FRMD6: variants seen among roughly 807,000 people sequenced by gnomAD.
The protein encoded by FRMD6 is FERM domain-containing protein 6.
FRMD6 carries 37 observed loss-of-function variants against 73.2 expected under a neutral mutation model. That is an observed-to-expected ratio of 0.51 (90% confidence interval 0.39 to 0.66). The LOEUF (loss-of-function observed/expected upper bound fraction) is 0.66. FRMD6 is among the 30% of genes least tolerant of loss of function. The probability of loss-of-function intolerance (pLI) is 0.00; values close to 1 mark genes in which losing one functional copy is unlikely to be tolerated. For missense variants in FRMD6, 714 were observed against 780.5 expected, an observed-to-expected ratio of 0.91 and a Z score of 1.02; for synonymous variants, 273 against 282.2, an observed-to-expected ratio of 0.97 and a Z score of 0.33.
At chr14:51,668,211 G>A (rs1893739318) in intron 1 of FRMD6, among the ~76,000 whole-genome samples, 1 of 152,168 alleles carries the variant, frequency 6.6e-6, no homozygotes, top group Non-Finnish European at 1.5e-5. Context: ...TATAGAACTG[G>A]TTAGGAAAGG....
chr14:51,551,848 G>A (rs1886860043), intron 1 of FRMD6, among the ~76,000 whole-genome samples: 2 of 151,898 alleles, frequency 1.3e-5, no homozygotes, highest in Admixed American at 6.6e-5. Context: ...ATAAGTATAT[G>A]TTAAAATATT....
chr14:51,614,184 C>T (rs897994691), intron 2 of FRMD6, among the ~76,000 whole-genome samples: 53 of 152,066 alleles, frequency 3.5e-4, no homozygotes, highest in African/African-American at 1.2e-3. Context: ...GTTAAGAACT[C>T]TTTTTTTCTA....
intron 1 of FRMD6, among the ~76,000 whole-genome samples, chr14:51,537,380 A>G (rs1885957344): frequency 6.6e-6 from 1 of 152,120 alleles, no homozygotes; most frequent in Non-Finnish European, 1.5e-5. Context: ...TGGACGGACC[A>G]CAGTTTTTAT....
intron 2 of FRMD6, among the ~76,000 whole-genome samples, chr14:51,585,960 T>TATATATATATATATATATATATAG (rs369811499): frequency 1.1e-5 from 1 of 91,294 alleles, no homozygotes; most frequent in Admixed American, 1.3e-4. Context: ...TATATATATA[T>TATATATATATATATATATATATAG]AACATTTTCT....
At chr14:51,600,150 GA>G (rs747886802) in intron 2 of FRMD6, among the ~76,000 whole-genome samples, 1 of 151,992 alleles carries the variant, frequency 6.6e-6, no homozygotes, top group Non-Finnish European at 1.5e-5. Flanking sequence ...GTATAAACAA[GA>G]AGATAGTTTG....
At chr14:51,427,129 A>G in the FRMD6 span, among the ~76,000 whole-genome samples, 1 of 152,240 alleles carries the variant, frequency 6.6e-6, no homozygotes, top group African/African-American at 2.4e-5. Context: ...CTTGAGGCTC[A>G]GGACCTTTTA....
chr14:51,557,093 C>T (rs113586316), intron 1 of FRMD6, among the ~76,000 whole-genome samples: 27 of 152,036 alleles, frequency 1.8e-4, no homozygotes, highest in African/African-American at 6.0e-4. Flanking sequence ...TGAGTTTAGC[C>T]TGGGCAACAT....
At chr14:51,648,395 A>G (rs903898066), upstream of FRMD6, among the ~76,000 whole-genome samples, 1 of 152,216 alleles carries the variant, frequency 6.6e-6, no homozygotes, top group Non-Finnish European at 1.5e-5. Context: ...GTCCTCTGCC[A>G]TATGCCTACA....
At chr14:51,592,407 A>G (rs1450814409) in intron 2 of FRMD6, among the ~76,000 whole-genome samples, 3 of 152,212 alleles carry the variant, frequency 2.0e-5, no homozygotes, top group African/African-American at 7.2e-5. Context: ...CTATGTATTT[A>G]TATGTTATCC....
chr14:51,582,834 A>ATGTC (rs1042574376), intron 2 of FRMD6, among the ~76,000 whole-genome samples: 11 of 152,178 alleles, frequency 7.2e-5, no homozygotes, highest in African/African-American at 2.7e-4. Flanking sequence ...CTTTCATGAA[A>ATGTC]TGTCCCTTTG....
intron 9 of FRMD6, chr14:51,714,103 C>T (rs1234890111): frequency 6.6e-6 from 1 of 152,176 alleles, no homozygotes; most frequent in Non-Finnish European, 1.5e-5. Context: ...TTGAAGCCAA[C>T]TCAGCTCTGC....
chr14:51,456,867 G>A, the FRMD6 span, among the ~76,000 whole-genome samples: 3 of 152,148 alleles, frequency 2.0e-5, no homozygotes, highest in African/African-American at 7.2e-5. Flanking sequence ...TGACCCTGGA[G>A]GACATTAAGT....
At chr14:51,566,002 A>T (rs1264737473) in intron 1 of FRMD6, among the ~76,000 whole-genome samples, 3 of 152,202 alleles carry the variant, frequency 2.0e-5, no homozygotes, top group African/African-American at 7.2e-5. Context: ...GTCTCTACTA[A>T]AAATACAAAA....
the FRMD6 span, among the ~76,000 whole-genome samples, chr14:51,439,019 T>A: frequency 6.6e-6 from 1 of 152,250 alleles, no homozygotes; most frequent in Non-Finnish European, 1.5e-5. Flanking sequence ...CTCTGTCTGC[T>A]CAATGCCATT....
intron 1 of FRMD6, among the ~76,000 whole-genome samples, chr14:51,556,787 G>A (rs1002342495): frequency 6.6e-6 from 1 of 152,010 alleles, no homozygotes; most frequent in Non-Finnish European, 1.5e-5. Flanking sequence ...GTTCTTTCCC[G>A]AGCTGCCCCT....
At chr14:51,658,427 A>G (rs1892991754) in intron 1 of FRMD6, among the ~76,000 whole-genome samples, 1 of 151,134 alleles carries the variant, frequency 6.6e-6, no homozygotes, top group Admixed American at 6.6e-5. Context: ...ACTCTTGTTG[A>G]TCCATAAATG....
At chr14:51,569,525 T>C (rs1359913291) in intron 1 of FRMD6, among the ~76,000 whole-genome samples, 1 of 128,882 alleles carries the variant, frequency 7.8e-6, no homozygotes, top group Non-Finnish European at 1.7e-5. Context: ...TTTTTTTTTT[T>C]CTGAATCTCA....
intron 1 of FRMD6, among the ~76,000 whole-genome samples, chr14:51,508,149 A>C (rs1470139680): frequency 6.6e-6 from 1 of 151,976 alleles, no homozygotes; most frequent in Non-Finnish European, 1.5e-5. Flanking sequence ...AGCACCCCCC[A>C]GCCTGTCCCG....
rs1229013242 is a variant in FRMD6 at position 51,514,719 on chromosome 14, A to C, written c.-210+25299A>C. On this transcript the variant is annotated intron_variant, in intron 1 of 14. Transcript: ENST00000356218. ...AAAAATTAGCTGGGCATGGTGGCGC[A>C]TACCTGTAATCCCAGCTACTCGGGT... 3.9e-5 allele frequency among the ~76,000 whole-genome samples: 6 copies of C among 152,222 alleles called. No homozygotes were observed. In the East Asian group the frequency reaches 1.2e-3, roughly 30 times the overall value.
Sources: allele counts gnomAD v4.1 joint callset (sites outside exome capture counted in the v4.1 genomes callset), GRCh38; gene constraint gnomAD v4.1.1; transcripts MANE v1.5; gene names NCBI Gene and HGNC (gene_info 2026-07-23, HGNC 2026-07-21).